NKAIN2: variants seen among roughly 807,000 people sequenced by gnomAD.
The protein encoded by NKAIN2 is sodium/potassium transporting ATPase interacting 2, also known as sodium/potassium-transporting ATPase subunit beta-1-interacting protein 2.
A neutral mutation model predicts 32.6 loss-of-function variants in NKAIN2; 14 were observed. That is an observed-to-expected ratio of 0.43 (90% confidence interval 0.28 to 0.67). The LOEUF is 0.67. Among genes scored for constraint, NKAIN2 ranks in the 30% least tolerant of loss-of-function variants. The pLI is 0.17. For synonymous variants in NKAIN2, 80 were observed against 87.2 expected (o/e 0.92, Z 0.46); for missense variants, 198 against 258.3 (o/e 0.77, Z 1.60).
At chr6:124,026,548 G>A (rs1433313234) in intron 1 of NKAIN2, among the ~76,000 whole-genome samples, 2 of 152,050 alleles carry the variant, frequency 1.3e-5, no homozygotes, top group Non-Finnish European at 2.9e-5. Flanking sequence ...GCCTATAAAG[G>A]GATGACAAAT....
chr6:124,808,133 A>G (rs1385263212), intron 5 of NKAIN2, among the ~76,000 whole-genome samples: 1 of 152,082 alleles, frequency 6.6e-6, no homozygotes, highest in Non-Finnish European at 1.5e-5. Context: ...AACTCACTTT[A>G]TGAGGCCAGC....
chr6:124,552,333 T>C (rs887542874), intron 3 of NKAIN2, among the ~76,000 whole-genome samples: 1 of 152,222 alleles, frequency 6.6e-6, no homozygotes, highest in Admixed American at 6.5e-5. Context: ...TGGCCGATGC[T>C]GGACACAGAG....
chr6:124,447,680 A>G (rs1387282715), intron 3 of NKAIN2, among the ~76,000 whole-genome samples: 1 of 152,180 alleles, frequency 6.6e-6, no homozygotes, highest in Non-Finnish European at 1.5e-5. Context: ...TATTTCAAGC[A>G]TTCTGCTATC....
intron 1 of NKAIN2, among the ~76,000 whole-genome samples, chr6:124,109,344 G>GT (rs1785263653): frequency 6.6e-6 from 1 of 151,780 alleles, no homozygotes; most frequent in Non-Finnish European, 1.5e-5. Context: ...TTTTCAGATA[G>GT]TTTTTTGCTA....
intron 4 of NKAIN2, among the ~76,000 whole-genome samples, chr6:124,729,351 T>G (rs368740738): frequency 2.7e-5 from 4 of 150,882 alleles, no homozygotes; most frequent in African/African-American, 9.7e-5. Context: ...ATCAAAAAGC[T>G]TATCCACCAT....
At chr6:123,995,501 A>G (rs1468486504) in intron 1 of NKAIN2, among the ~76,000 whole-genome samples, 2 of 152,192 alleles carry the variant, frequency 1.3e-5, no homozygotes, top group African/African-American at 4.8e-5. Flanking sequence ...GAGTTGCTCA[A>G]AAAAGAGTAA....
intron 4 of NKAIN2, among the ~76,000 whole-genome samples, chr6:124,753,844 C>T (rs1777840320): frequency 6.6e-6 from 1 of 152,034 alleles, no homozygotes. Context: ...TCAGGAAATA[C>T]TCCCTAATAA....
intron 3 of NKAIN2, among the ~76,000 whole-genome samples, chr6:124,387,148 T>C (rs1772934079): frequency 6.6e-6 from 1 of 152,128 alleles, no homozygotes; most frequent in Admixed American, 6.6e-5. Flanking sequence ...ATAAAATATA[T>C]GAGTGTACAC....
At chr6:124,313,552 CACT>C (rs1316025601) in intron 2 of NKAIN2, among the ~76,000 whole-genome samples, 6 of 152,138 alleles carry the variant, frequency 3.9e-5, no homozygotes, top group Admixed American at 3.9e-4. Flanking sequence ...TCTATGCTTT[CACT>C]ACACTTCTGC....
At chr6:124,189,770 A>C (rs1191089554) in intron 1 of NKAIN2, among the ~76,000 whole-genome samples, 1 of 152,112 alleles carries the variant, frequency 6.6e-6, no homozygotes, top group Non-Finnish European at 1.5e-5. Flanking sequence ...AGAAACTAGC[A>C]CATCTTTCCT....
chr6:124,109,920 T>C (rs539526449), intron 1 of NKAIN2, among the ~76,000 whole-genome samples: 2 of 152,216 alleles, frequency 1.3e-5, no homozygotes, highest in South Asian at 2.1e-4. Context: ...TTGGGCATGT[T>C]GAACATCCTT....
At chr6:123,944,570 C>T (rs980129630) in intron 1 of NKAIN2, among the ~76,000 whole-genome samples, 1 of 152,036 alleles carries the variant, frequency 6.6e-6, no homozygotes, top group Non-Finnish European at 1.5e-5. Context: ...ATAATTGTAG[C>T]CTTATTCCAC....
intron 4 of NKAIN2, among the ~76,000 whole-genome samples, chr6:124,776,804 G>T (rs1471382835): frequency 6.6e-6 from 1 of 151,810 alleles, no homozygotes; most frequent in Non-Finnish European, 1.5e-5. Context: ...CAAATTATAG[G>T]CACTCTAGAT....
chr6:124,246,099 A>T (rs2114792484), intron 1 of NKAIN2, among the ~76,000 whole-genome samples: 1 of 152,112 alleles, frequency 6.6e-6, no homozygotes, highest in South Asian at 2.1e-4. Context: ...GTGTCTCAAA[A>T]CTGGCATTTT....
intron 3 of NKAIN2, among the ~76,000 whole-genome samples, chr6:124,520,686 T>G (rs1779087384): frequency 6.6e-6 from 1 of 152,168 alleles, no homozygotes; most frequent in Non-Finnish European, 1.5e-5. Flanking sequence ...TTTGTGGGCT[T>G]GCTAAATCAC....
At chr6:124,443,286 G>A (rs1350230457) in intron 3 of NKAIN2, among the ~76,000 whole-genome samples, 2 of 152,008 alleles carry the variant, frequency 1.3e-5, no homozygotes, top group Non-Finnish European at 2.9e-5. Flanking sequence ...TTATTGATAT[G>A]GTTCCATCAA....
chr6:123,809,617 C>T (rs1257460763), intron 1 of NKAIN2, among the ~76,000 whole-genome samples: 1 of 152,058 alleles, frequency 6.6e-6, no homozygotes, highest in Non-Finnish European at 1.5e-5. Flanking sequence ...ATTTGTTACG[C>T]TTTTTCTTTT....
At chr6:123,872,434 G>T (rs1772939846) in intron 1 of NKAIN2, among the ~76,000 whole-genome samples, 1 of 152,206 alleles carries the variant, frequency 6.6e-6, no homozygotes, top group Non-Finnish European at 1.5e-5. Context: ...TAAATTCCCA[G>T]GCTCCCAGGG....
intron 1 of NKAIN2, among the ~76,000 whole-genome samples, chr6:124,265,925 C>T (rs957658183): frequency 8.5e-5 from 13 of 152,068 alleles, no homozygotes; most frequent in African/African-American, 2.4e-4. Context: ...ATGTCATTTT[C>T]AGTAAATCAA....
Sources: gnomAD v4.1 joint callset for allele counts (sites outside exome capture counted in the v4.1 genomes callset) on GRCh38, gnomAD v4.1.1 for gene constraint, MANE v1.5 for transcripts, NCBI Gene and HGNC (gene_info 2026-07-23, HGNC 2026-07-21) for gene names.